AMZ1: variants seen among roughly 807,000 people sequenced by gnomAD.
The protein encoded by AMZ1 is archaelysin family metallopeptidase 1.
A neutral mutation model predicts 29.9 loss-of-function variants in AMZ1; 39 were observed. That is an observed-to-expected ratio of 1.30 (90% CI 1.01 to 1.70). AMZ1 has a LOEUF of 1.70. Among genes scored for constraint, AMZ1 ranks in the 40% most tolerant of loss-of-function variants. The probability of loss-of-function intolerance (pLI) is 0.00; values close to 1 mark genes in which losing one functional copy is unlikely to be tolerated. For synonymous variants in AMZ1, 458 were observed against 304.0 expected (o/e 1.51, Z -5.27); for missense variants, 1,041 against 680.6 (o/e 1.53, Z -5.89).
chr7:2,712,394 C>A lies in AMZ1; in HGVS notation c.1013C>A (p.Ser338Ter). ...TWPSQEAGEP[S>*]VWEDTPPASA... ...CCCAGCCAGGAGGCGGGGGAGCCGT[C>A]AGTGTGGGAGGACACCCCGCCTGCC... Residue 338 changes from serine to a stop codon, truncating the protein, a stop_gained, in exon 7 of 7, where the codon TCA becomes TAA. Transcript: ENST00000683327. LOFTEE classifies it low-confidence loss of function (END_TRUNC). The A allele has an allele frequency of 6.2e-7, 1 of 1,610,530 alleles. No homozygotes were observed. Among genetic ancestry groups the A allele is most frequent in the Non-Finnish European group, 8.5e-7 (1 of 1,178,872 alleles).
Position 2,719,575 on chromosome 7 carries a change from A to G in AMZ1, c.*6697A>G, listed in dbSNP as rs977745430. 1.3e-5 allele frequency among the ~76,000 whole-genome samples: 2 copies of G among 152,260 alleles called. No homozygotes were observed. The highest frequency in any genetic ancestry group is 1.5e-5 in the Non-Finnish European group (1 of 68,044). ...TACACCTGGAACATTTTATACTGCA[A>G]TGACTGATGGACGACTTTGATATAC... On this transcript the variant is annotated 3_prime_UTR_variant, in exon 7 of 7. Transcript: ENST00000683327.
intron 1 of AMZ1, among the ~76,000 whole-genome samples, chr7:2,698,970 C>G (rs1337303091): frequency 6.6e-6 from 1 of 152,170 alleles, no homozygotes; most frequent in Non-Finnish European, 1.5e-5. Context: ...TTTTGCGTGT[C>G]TAGCTCAGCT....
chr7:2,709,275 G>A, intron 5 of AMZ1, 31 bp downstream of exon 5: 1 of 1,479,412 alleles, frequency 6.8e-7, no homozygotes, highest in South Asian at 1.4e-5. Context: ...TGGTAAGAGG[G>A]GACAGGAGGG....
At chr7:2,692,851 C>G (rs917242586) in intron 1 of AMZ1, among the ~76,000 whole-genome samples, 10 of 152,180 alleles carry the variant, frequency 6.6e-5, no homozygotes, top group Admixed American at 5.9e-4. Flanking sequence ...TTCCCCCAAT[C>G]TCGTCCCCTG....
At position 2,731,155 on chromosome 7, in the gene AMZ1, G is replaced by T. The variant is rs372899470; in HGVS notation, n.550+21339G>T. The T allele has an allele frequency of 3.9e-6, 6 of 1,541,902 alleles. No homozygotes were observed. The highest frequency in any genetic ancestry group is 1.4e-5 in the African/African-American group (1 of 73,592). The stretch of plus-strand genomic sequence containing the variant: ...CCGACAGCCGTGGGGGCTGCTCAAC[G>T]ACGACAAACCCCGGGGCTTCCTCGC... On this transcript the variant is annotated intron_variant and non_coding_transcript_variant, in intron 4 of 4. Coordinates refer to the AMZ1 transcript ENST00000489665. This position sits in a 1 kb window ranked among gnomAD's most constrained non-coding sequence, Gnocchi z 6.0.
In AMZ1 at chr7:2,715,112, T is replaced by G. The variant is rs918020274; in HGVS notation, c.*2234T>G. ...CAATATGGCGGTTGCCCTCCTAAGG[T>G]GGACATCGGGAGGGTCAGATGGAAG... On this transcript the variant is annotated 3_prime_UTR_variant, in exon 7 of 7. Transcript: ENST00000683327. 1.3e-5 allele frequency: 2 copies of G among 151,838 alleles called. No individual in the cohort carries two copies. Among genetic ancestry groups the G allele is most frequent in the East Asian group, 1.9e-4 (1 of 5,180 alleles). 9.4% of individuals were successfully genotyped at this position (151,838 alleles called of 1,614,324 possible).
chr7:2,758,182 A>C (rs571375780), intron 4 of AMZ1, among the ~76,000 whole-genome samples: 1 of 152,138 alleles, frequency 6.6e-6, no homozygotes, highest in Non-Finnish European at 1.5e-5. Flanking sequence ...CATCTCCCCA[A>C]CTATCGATGC....
chr7:2,722,254 TAAGA>T (rs1418639125), downstream of AMZ1, among the ~76,000 whole-genome samples: 5 of 150,624 alleles, frequency 3.3e-5, no homozygotes, highest in East Asian at 9.7e-4. Flanking sequence ...CAAATGGAGT[TAAGA>T]AAAAGGGCAT....
chr7:2,692,654 AG>A (rs1787470561), intron 1 of AMZ1, among the ~76,000 whole-genome samples: 1 of 152,138 alleles, frequency 6.6e-6, no homozygotes, highest in Non-Finnish European at 1.5e-5. Context: ...CGAGGTCCCC[AG>A]GAGTCCCCGA....
At chr7:2,736,892 C>T (rs185013921) in intron 4 of AMZ1, among the ~76,000 whole-genome samples, 8 of 152,330 alleles carry the variant, frequency 5.3e-5, no homozygotes, top group African/African-American at 1.7e-4. Context: ...TTTAGGACCA[C>T]GAGAAAAGAG....
intron 4 of AMZ1, among the ~76,000 whole-genome samples, chr7:2,727,044 TAAA>T (rs1035475372): frequency 2.6e-5 from 4 of 152,178 alleles, no homozygotes; most frequent in East Asian, 1.9e-4. Context: ...GCTTTAAAAA[TAAA>T]AAGTGTTTTG....
At chr7:2,691,967 G>C (rs138909674) in intron 1 of AMZ1, among the ~76,000 whole-genome samples, 11 of 152,166 alleles carry the variant, frequency 7.2e-5, no homozygotes, top group Admixed American at 3.3e-4. Flanking sequence ...AGCTGGCTGC[G>C]GCGCTAGGGG....
upstream of AMZ1, chr7:2,763,326 A>C: frequency 6.1e-6 from 1 of 164,658 alleles, no homozygotes. Flanking sequence ...TGACGGCACA[A>C]ATGCCGGTGC....
In AMZ1 at chr7:2,709,584, C is replaced by T; in HGVS notation, c.772-56C>T. On this transcript the variant is annotated intron_variant, in intron 5 of 6. Coordinates refer to ENST00000683327, the MANE Select transcript of AMZ1 (RefSeq NM_001384743.1). ...GGTCCTGCTGGGGCTGCCTGGGGATCTGCCGGATGCAGGGGCAAGGCAGTG... is the reference window on the plus strand; with the variant it reads ...GGTCCTGCTGGGGCTGCCTGGGGATTTGCCGGATGCAGGGGCAAGGCAGTG... 2.5e-6 allele frequency: 4 copies of T among 1,569,378 alleles called. No homozygotes were observed. In the Admixed American group the frequency reaches 7.4e-5, roughly 29 times the overall value.
chr7:2,710,117 C>T lies in AMZ1; in HGVS notation c.948+301C>T, dbSNP rs28561404. On this transcript the variant is annotated intron_variant, in intron 6 of 6. Coordinates refer to ENST00000683327, the MANE Select transcript of AMZ1 (RefSeq NM_001384743.1). ...GGAAGAGCTGGCATTGGAGCCCAGC[C>T]GGCGGGTGGCACGGTCTTCCCAGGG... 7.1e-3 allele frequency among the ~76,000 whole-genome samples: 1,079 copies of T among 152,272 alleles called. 12 individuals carry two copies. Among genetic ancestry groups the T allele is most frequent in the African/African-American group, 0.025 (1,031 of 41,548 alleles).
chr7:2,709,280 G>C (rs935365472), intron 5 of AMZ1, 36 bp downstream of exon 5: 2 of 1,476,474 alleles, frequency 1.4e-6, no homozygotes, highest in African/African-American at 2.8e-5. Context: ...AGAGGGGACA[G>C]GAGGGTGCTG....
At chr7:2,681,974 C>T (rs1466713410) in intron 1 of AMZ1, among the ~76,000 whole-genome samples, 3 of 152,140 alleles carry the variant, frequency 2.0e-5, no homozygotes, top group Non-Finnish European at 4.4e-5. Context: ...GAGGAGGGGT[C>T]CTGGGGGAGC....
At chr7:2,703,653 C>CA (rs1424772561) in intron 3 of AMZ1, among the ~76,000 whole-genome samples, 1 of 152,144 alleles carries the variant, frequency 6.6e-6, no homozygotes, top group Non-Finnish European at 1.5e-5. Flanking sequence ...GGGAGGGCCT[C>CA]AAAGGGGCTG....
rs182308782 is a variant in AMZ1, at chr7:2,744,386, G to A, written n.551-20326G>A. Among the ~76,000 whole-genome samples the A allele has an allele frequency of 3.4e-3, 512 of 152,294 alleles. 3 individuals are homozygous for A. The highest frequency in any genetic ancestry group is 0.012 in the African/African-American group (486 of 41,554). ...CAATATCCGCTGTTCTGCAGCCACC[G>A]CTGCTGATACCCAAGCAAACAGGGT... On this transcript the variant is annotated intron_variant and non_coding_transcript_variant, in intron 4 of 4. Coordinates refer to the AMZ1 transcript ENST00000489665.
Sources: gnomAD v4.1 joint callset for allele counts (sites outside exome capture counted in the v4.1 genomes callset) on GRCh38, gnomAD v4.1.1 for gene constraint, Gnocchi (gnomAD v3.1) non-coding constraint, MANE v1.5 for transcripts, NCBI Gene and HGNC (gene_info 2026-07-23, HGNC 2026-07-21) for gene names.